The following SNRPN variants were observed in gnomAD, a reference collection of about 807,000 sequenced individuals.
SNRPN encodes small nuclear ribonucleoprotein polypeptide N.
SNRPN carries 7 observed loss-of-function variants against 25.2 expected under a neutral mutation model. That is an observed-to-expected ratio of 0.28 (90% CI 0.16 to 0.52). SNRPN has a LOEUF of 0.52. SNRPN is among the 20% of genes least tolerant of loss of function. The pLI, the probability that SNRPN is intolerant of heterozygous loss-of-function variation, is 0.96. For synonymous variants in SNRPN, 124 were observed against 110.6 expected, an observed-to-expected ratio of 1.12 and a Z score of -0.76; for missense variants, 196 against 322.5, an observed-to-expected ratio of 0.61 and a Z score of 3.00.
chr15:24,890,116 G>C (rs1463025596), intron 2 of SNRPN, among the ~76,000 whole-genome samples: 3 of 151,104 alleles, frequency 2.0e-5, no homozygotes, highest in Non-Finnish European at 4.4e-5. Flanking sequence ...TTAAGCTGAA[G>C]GAAATTGAGA....
rs562609651 is a variant in SNRPN, at chr15:24,863,354, G to A, written c.-579+6638G>A. Among the ~76,000 whole-genome samples the A allele has an allele frequency of 2.7e-5, 4 of 150,876 alleles. 1 individual carries two copies. The South Asian group carries it at 8.3e-4, about 31-fold the overall frequency. On this transcript the variant is annotated intron_variant, in intron 1 of 11. Coordinates refer to the SNRPN transcript ENST00000400097. ...CAGCTGCACAGAAGAAGGACAGCAG[G>A]TAACTTTCAGTCAAGGTTGGCAGGG...
At chr15:24,911,161 C>T in intron 2 of SNRPN, 2 of 548,090 alleles carry the variant, frequency 3.6e-6, no homozygotes, top group Non-Finnish European at 5.8e-6. Context: ...TGGAAAGGGC[C>T]AAAGAAAATT....
chr15:24,947,314 A>C (rs928814891), intron 3 of SNRPN, among the ~76,000 whole-genome samples: 2 of 152,136 alleles, frequency 1.3e-5, no homozygotes, highest in Non-Finnish European at 2.9e-5. Context: ...TACAGGGAAA[A>C]CTTCACATTA....
intron 1 of SNRPN, among the ~76,000 whole-genome samples, chr15:24,886,267 G>C (rs574320926): frequency 6.6e-6 from 1 of 152,172 alleles, no homozygotes; most frequent in South Asian, 2.1e-4. Context: ...GATCAATTTA[G>C]CCAGAATCCC....
chr15:24,829,761 G>C (rs1363495089), intron 1 of SNRPN: 2 of 152,152 alleles, frequency 1.3e-5, no homozygotes, highest in African/African-American at 4.8e-5. Flanking sequence ...GAGTGAAAAG[G>C]GGCAAAGAAC....
intron 3 of SNRPN, among the ~76,000 whole-genome samples, chr15:24,939,125 C>T (rs1439916752): frequency 6.6e-6 from 1 of 152,142 alleles, no homozygotes; most frequent in Non-Finnish European, 1.5e-5. Flanking sequence ...GGTAATTCTT[C>T]TGTTGCATTT....
chr15:24,932,909 A>C (rs1032660774), intron 3 of SNRPN, among the ~76,000 whole-genome samples: 2 of 151,960 alleles, frequency 1.3e-5, no homozygotes, highest in Non-Finnish European at 2.9e-5. Flanking sequence ...GCAGCCTCCC[A>C]AAGTGCTGGG....
At chr15:24,868,121 G>GTATATATATATATA (rs71127007) in intron 1 of SNRPN, among the ~76,000 whole-genome samples, 2 of 145,980 alleles carry the variant, frequency 1.4e-5, no homozygotes, top group African/African-American at 2.5e-5. Context: ...GTGTGTGTGT[G>GTATATATATATATA]TATATATATA....
upstream of SNRPN, chr15:24,954,865 G>C (rs1488081201): frequency 7.7e-6 from 6 of 776,914 alleles, no homozygotes; most frequent in African/African-American, 3.4e-5. Context: ...TCCGGTGAGG[G>C]AGGGAGCTGG....
At position 24,937,606 on chromosome 15, in the gene SNRPN, T is replaced by G. The variant is rs2061315992; in HGVS notation, c.-391+17482T>G. Among the ~76,000 whole-genome samples, 3 of 152,228 alleles carry G rather than the reference T, an allele frequency of 2.0e-5. No homozygotes were observed. In the South Asian group the frequency reaches 6.2e-4, roughly 31 times the overall value. The stretch of plus-strand genomic sequence containing the variant: ...GTATTTGCTACTTTTTGATAATGCT[T>G]TGCACTTTTTAAATTGTAAAAACAT... On this transcript the variant is annotated intron_variant, in intron 3 of 11. Transcript: ENST00000400097.
chr15:24,829,402 G>A (rs2050338498), intron 1 of SNRPN, among the ~76,000 whole-genome samples: 2 of 152,090 alleles, frequency 1.3e-5, no homozygotes, highest in African/African-American at 4.8e-5. Flanking sequence ...AAGCGAGGAG[G>A]AAACAGTGTG....
At chr15:24,857,414 GT>G (rs926761384) in intron 1 of SNRPN, among the ~76,000 whole-genome samples, 7 of 151,544 alleles carry the variant, frequency 4.6e-5, no homozygotes, top group Non-Finnish European at 7.4e-5. Context: ...AATATTTTGG[GT>G]TTTTTTTATG....
intron 1 of SNRPN, among the ~76,000 whole-genome samples, chr15:24,881,321 G>A (rs878901406): frequency 6.6e-6 from 1 of 151,232 alleles, no homozygotes; most frequent in Non-Finnish European, 1.5e-5. Flanking sequence ...TCAGGAGTTC[G>A]AGACCAGCCT....
chr15:24,978,403 C>A lies in SNRPN; in HGVS notation c.686-4C>A, dbSNP rs536351078. On this transcript the variant is annotated splice_polypyrimidine_tract_variant and splice_region_variant and intron_variant, in intron 9 of 9. Coordinates refer to ENST00000390687, the MANE Select transcript of SNRPN (RefSeq NM_003097.6). ...TTTTCTCAATGTTTCTATTTCCTTTCCAGGTCCACCTCCCCCAGGAATGCG... is the reference window on the plus strand; with the variant it reads ...TTTTCTCAATGTTTCTATTTCCTTTACAGGTCCACCTCCCCCAGGAATGCG... 8.1e-6 allele frequency: 13 copies of A among 1,613,978 alleles called. No individual in the cohort carries two copies. Among genetic ancestry groups the A allele is most frequent in the Non-Finnish European group, 1.1e-5 (13 of 1,179,938 alleles).
intron 3 of SNRPN, among the ~76,000 whole-genome samples, chr15:24,941,459 G>A (rs1345655403): frequency 6.6e-6 from 1 of 152,202 alleles, no homozygotes; most frequent in African/African-American, 2.4e-5. Flanking sequence ...ACCACGGCTG[G>A]TTGTGATTAT....
At chr15:24,939,826 A>G (rs907230688) in intron 3 of SNRPN, among the ~76,000 whole-genome samples, 3 of 140,988 alleles carry the variant, frequency 2.1e-5, no homozygotes, top group Non-Finnish European at 4.5e-5. Flanking sequence ...GTCTCACTCT[A>G]TCGCTCAGGC....
chr15:24,845,448 A>G (rs1359916344), intron 2 of SNRPN, among the ~76,000 whole-genome samples: 1 of 152,078 alleles, frequency 6.6e-6, no homozygotes, highest in East Asian at 1.9e-4. Context: ...AAATACAAAA[A>G]TTAGCCGAGT....
At chr15:24,853,047 C>G (rs72693651), upstream of SNRPN, among the ~76,000 whole-genome samples, 23,427 of 152,082 alleles carry the variant, frequency 0.15, 1,902 homozygotes, top group East Asian at 0.3. Flanking sequence ...CTTGACAGTG[C>G]TTTTAGAAAA....
chr15:24,844,686 G>A (rs907591588), intron 2 of SNRPN, among the ~76,000 whole-genome samples: 2 of 151,880 alleles, frequency 1.3e-5, no homozygotes, highest in Admixed American at 6.6e-5. Flanking sequence ...TATCATGCCC[G>A]GCTAATTTTT....
Sources: gnomAD v4.1 joint callset for allele counts (sites outside exome capture counted in the v4.1 genomes callset) on GRCh38, gnomAD v4.1.1 for gene constraint, MANE v1.5 for transcripts, NCBI Gene and HGNC (gene_info 2026-07-23, HGNC 2026-07-21) for gene names.